Variants in ROBO1 observed in about 807,000 individuals in gnomAD.
ROBO1 encodes the protein roundabout guidance receptor 1, also known as roundabout homolog 1.
ROBO1 carries 149 observed loss-of-function variants against 195.9 expected under a neutral mutation model. The observed-to-expected ratio is 0.76, with a 90% CI of 0.67 to 0.87. The LOEUF (loss-of-function observed/expected upper bound fraction) is 0.87, where lower values mean the gene tolerates loss of function less well. ROBO1 is among the 40% of genes least tolerant of loss of function. The probability of loss-of-function intolerance (pLI) is 0.00; values close to 1 mark genes in which losing one functional copy is unlikely to be tolerated. For missense variants in ROBO1, 1,933 were observed against 2,068.3 expected (o/e 0.93, Z 1.27); for synonymous variants, 816 against 733.2 (o/e 1.11, Z -1.82).
At chr3:79,287,500 G>C (rs1387739332) in intron 2 of ROBO1, among the ~76,000 whole-genome samples, 1 of 152,112 alleles carries the variant, frequency 6.6e-6, no homozygotes, top group Admixed American at 6.6e-5. Flanking sequence ...GTATACACTA[G>C]TCATCTGCAT....
chr3:79,541,872 G>A (rs911836981), intron 2 of ROBO1, among the ~76,000 whole-genome samples: 2 of 150,214 alleles, frequency 1.3e-5, no homozygotes, highest in African/African-American at 2.4e-5. Context: ...GAGAGAGAGA[G>A]GTAATATAGT....
At chr3:79,060,816 C>T (rs1007541029) in intron 3 of ROBO1, among the ~76,000 whole-genome samples, 1 of 152,104 alleles carries the variant, frequency 6.6e-6, no homozygotes, top group African/African-American at 2.4e-5. Flanking sequence ...ATGCTAAAAA[C>T]TCTCAATAAA....
chr3:78,875,819 T>A (rs556739249), intron 4 of ROBO1, among the ~76,000 whole-genome samples: 15 of 152,126 alleles, frequency 9.9e-5, no homozygotes, highest in African/African-American at 3.1e-4. Context: ...TGACACATGT[T>A]AGGAACTAAC....
chr3:79,288,703 C>A (rs866494119), intron 2 of ROBO1, among the ~76,000 whole-genome samples: 1 of 152,064 alleles, frequency 6.6e-6, no homozygotes, highest in African/African-American at 2.4e-5. Flanking sequence ...AGTAAAATGA[C>A]CTTCACCCTT....
At chr3:78,634,896 G>T (rs1224632604) in intron 23 of ROBO1, among the ~76,000 whole-genome samples, 2 of 151,942 alleles carry the variant, frequency 1.3e-5, no homozygotes, top group Non-Finnish European at 2.9e-5. Context: ...GTGATAAATC[G>T]CATTTTCAAA....
At chr3:79,007,942 G>A (rs974726651) in intron 3 of ROBO1, among the ~76,000 whole-genome samples, 6 of 152,070 alleles carry the variant, frequency 3.9e-5, no homozygotes, top group Non-Finnish European at 7.4e-5. Context: ...ACAATACAAC[G>A]TCATAAGTGA....
chr3:78,933,676 CTGAG>C (rs2039653513), intron 4 of ROBO1, among the ~76,000 whole-genome samples: 1 of 151,898 alleles, frequency 6.6e-6, no homozygotes, highest in African/African-American at 2.4e-5. Flanking sequence ...AGAACATATT[CTGAG>C]TGATAGCAAA....
intron 2 of ROBO1, among the ~76,000 whole-genome samples, chr3:79,496,135 C>A (rs1278844927): frequency 1.4e-5 from 2 of 146,138 alleles, no homozygotes; most frequent in East Asian, 4.2e-4. Flanking sequence ...ATATCTTGAA[C>A]CTGGGAGTTG....
intron 4 of ROBO1, among the ~76,000 whole-genome samples, chr3:78,879,594 G>A (rs1039000367): frequency 2.0e-5 from 3 of 151,286 alleles, no homozygotes; most frequent in African/African-American, 4.9e-5. Flanking sequence ...AACCGCAGAC[G>A]CTTTGCTGGC....
At chr3:78,874,563 A>G (rs1399171036) in intron 4 of ROBO1, among the ~76,000 whole-genome samples, 2 of 151,922 alleles carry the variant, frequency 1.3e-5, no homozygotes, top group African/African-American at 4.8e-5. Flanking sequence ...GGGCAAATAA[A>G]TCTTTGAAAA....
At chr3:79,484,157 G>A (rs1939021848) in intron 2 of ROBO1, among the ~76,000 whole-genome samples, 1 of 152,198 alleles carries the variant, frequency 6.6e-6, no homozygotes, top group African/African-American at 2.4e-5. Context: ...ACGGGGATCA[G>A]TCAAGTTGCT....
intron 1 of ROBO1, among the ~76,000 whole-genome samples, chr3:79,689,438 A>G (rs1438159607): frequency 6.6e-6 from 1 of 151,992 alleles, no homozygotes; most frequent in Non-Finnish European, 1.5e-5. Context: ...CTTCATCATT[A>G]CATTTAAGAT....
intron 28 of ROBO1, among the ~76,000 whole-genome samples, chr3:78,607,691 G>C (rs1007293341): frequency 1.3e-5 from 2 of 152,180 alleles, no homozygotes; most frequent in South Asian, 4.1e-4. Flanking sequence ...GCTAGTACCA[G>C]ATGCATGCCT....
At chr3:78,856,654 TAAATAA>T (rs994745689) in intron 4 of ROBO1, among the ~76,000 whole-genome samples, 3 of 151,172 alleles carry the variant, frequency 2.0e-5, no homozygotes, top group Admixed American at 1.3e-4. Context: ...ATAATAAAAA[TAAATAA>T]AAATAAAAAT....
intron 1 of ROBO1, among the ~76,000 whole-genome samples, chr3:79,606,071 C>G (rs1203647731): frequency 6.7e-6 from 1 of 149,458 alleles, no homozygotes; most frequent in African/African-American, 2.5e-5. Flanking sequence ...TAGCCACCAC[C>G]CTGATCACAC....
At chr3:79,059,656 A>G (rs895199805) in intron 3 of ROBO1, among the ~76,000 whole-genome samples, 13 of 152,024 alleles carry the variant, frequency 8.6e-5, no homozygotes, top group African/African-American at 2.9e-4. Flanking sequence ...CTTTACTGCA[A>G]TCTCTGAACA....
At chr3:79,603,544 G>T (rs975093675) in intron 1 of ROBO1, among the ~76,000 whole-genome samples, 4 of 151,884 alleles carry the variant, frequency 2.6e-5, no homozygotes, top group Non-Finnish European at 4.4e-5. Context: ...TGCGAGTGTT[G>T]GGTGTCACAT....
At chr3:79,636,371 G>A (rs984515940) in intron 1 of ROBO1, among the ~76,000 whole-genome samples, 1 of 152,114 alleles carries the variant, frequency 6.6e-6, no homozygotes, top group Non-Finnish European at 1.5e-5. Context: ...TTATGGTGAA[G>A]CTGGAAAAAA....
At chr3:79,249,772 G>A (rs1253119835) in intron 2 of ROBO1, among the ~76,000 whole-genome samples, 5 of 152,138 alleles carry the variant, frequency 3.3e-5, no homozygotes, top group African/African-American at 7.2e-5. Context: ...GGACATAGAC[G>A]TATTCTAGGC....
Sources: allele counts gnomAD v4.1 joint callset (sites outside exome capture counted in the v4.1 genomes callset), GRCh38; gene constraint gnomAD v4.1.1; transcripts MANE v1.5; gene names NCBI Gene and HGNC (gene_info 2026-07-23, HGNC 2026-07-21).